KCNG2: variants seen among roughly 807,000 people sequenced by gnomAD.
KCNG2 encodes the protein potassium voltage-gated channel modifier subfamily G member 2.
KCNG2 carries 7 observed loss-of-function variants against 12.3 expected under a neutral mutation model. That is an observed-to-expected ratio of 0.57 (90% CI 0.32 to 1.07). The LOEUF is 1.07. KCNG2 is among the 50% of genes least tolerant of loss of function. The probability of loss-of-function intolerance (pLI) is 0.04; values close to 1 mark genes in which losing one functional copy is unlikely to be tolerated. For synonymous variants in KCNG2, 414 were observed against 351.4 expected (o/e 1.18, Z -1.99); for missense variants, 703 against 726.0 (o/e 0.97, Z 0.36).
intron 3 of KCNG2, among the ~76,000 whole-genome samples, chr18:79,873,494 A>G (rs1376193924): frequency 7.2e-6 from 1 of 139,482 alleles, no homozygotes; most frequent in Non-Finnish European, 1.5e-5. Context: ...CCCTCTGAGC[A>G]CATCCAGCCT....
At chr18:79,867,256 A>G (rs1568263228) in intron 3 of KCNG2, among the ~76,000 whole-genome samples, 1 of 150,456 alleles carries the variant, frequency 6.6e-6, no homozygotes, top group Non-Finnish European at 1.5e-5. Context: ...CCTGTCTTAG[A>G]CTTCCTGCCC....
chr18:79,871,690 G>A (rs1683319999), intron 3 of KCNG2, among the ~76,000 whole-genome samples: 1 of 152,214 alleles, frequency 6.6e-6, no homozygotes, highest in African/African-American at 2.4e-5. Context: ...GTAGAGGGAG[G>A]GGAAGGCGGC....
intron 3 of KCNG2, among the ~76,000 whole-genome samples, chr18:79,888,138 T>A (rs146441182): frequency 6.6e-6 from 1 of 151,356 alleles, no homozygotes; most frequent in African/African-American, 2.4e-5. Context: ...GAGGAGGCCA[T>A]GGGAAGCACC....
At position 79,819,198 on chromosome 18, in the gene KCNG2, G is replaced by A. The variant is rs539662870; in HGVS notation, c.-115+21184G>A. Among the ~76,000 whole-genome samples, 177 of 152,324 alleles carry A rather than the reference G, an allele frequency of 1.2e-3. 1 individual carries two copies. The highest frequency in any genetic ancestry group is 4.0e-3 in the African/African-American group (165 of 41,578). ...CAAGGCCGGCGAGGGCACCCAGGAC[G>A]TGTCAGAGGGAGAAGGCCGGCAGCC... is the stretch of plus-strand genomic sequence containing the variant. On this transcript the variant is annotated intron_variant, in intron 1 of 3. Coordinates refer to ENST00000316249, the MANE Select transcript of KCNG2 (RefSeq NM_012283.2).
intron 1 of KCNG2, among the ~76,000 whole-genome samples, chr18:79,840,279 G>T (rs1236886686): frequency 1.3e-5 from 2 of 152,130 alleles, no homozygotes; most frequent in Non-Finnish European, 2.9e-5. Context: ...CAGCAAGATT[G>T]CAAGACATAA....
chr18:79,880,207 A>G (rs4799100), intron 3 of KCNG2, among the ~76,000 whole-genome samples: 71,305 of 151,564 alleles, frequency 0.47, 17,745 homozygotes, highest in East Asian at 0.79. Flanking sequence ...ATAAATGGCC[A>G]GATCAGCATT....
chr18:79,861,509 C>T (rs182265157), intron 2 of KCNG2, among the ~76,000 whole-genome samples: 1 of 152,196 alleles, frequency 6.6e-6, no homozygotes, highest in African/African-American at 2.4e-5. Flanking sequence ...AAACTCCTGA[C>T]CTCAGAGGAT....
At chr18:79,841,856 C>A (rs140148624) in intron 1 of KCNG2, among the ~76,000 whole-genome samples, 1 of 152,302 alleles carries the variant, frequency 6.6e-6, no homozygotes, top group East Asian at 1.9e-4. Context: ...AGGAAAGACT[C>A]ATTGAAAAAG....
At chr18:79,868,582 G>A (rs1051542492) in intron 3 of KCNG2, among the ~76,000 whole-genome samples, 11 of 152,242 alleles carry the variant, frequency 7.2e-5, no homozygotes, top group Non-Finnish European at 1.3e-4. Context: ...GAGAATTGGC[G>A]TGTTGGTGAC....
intron 1 of KCNG2, among the ~76,000 whole-genome samples, chr18:79,827,404 T>G (rs1254056724): frequency 6.6e-6 from 1 of 152,144 alleles, no homozygotes; most frequent in African/African-American, 2.4e-5. Flanking sequence ...GATGCTATCT[T>G]AGGTAGGAGA....
In KCNG2 at chr18:79,887,112, TGGG is replaced by T. The variant is rs754960552; in HGVS notation, c.625-11925_625-11923del. On this transcript the variant is annotated intron_variant, in intron 3 of 3. Transcript: ENST00000316249. ...ACATAGGGCCATAGGGACAGGGACA[TGGG>T]GGCATGAGAGATGCCTAGGGACACG... Among the ~76,000 whole-genome samples, 37 of 143,276 alleles carry T rather than the reference TGGG, an allele frequency of 2.6e-4. 1 individual carries two copies. The highest frequency in any genetic ancestry group is 4.4e-4 in the South Asian group (2 of 4,574). 94.0% of individuals were successfully genotyped at this position (143,276 alleles called of 152,430 possible).
At chr18:79,873,956 G>A (rs1489058078) in intron 3 of KCNG2, among the ~76,000 whole-genome samples, 1 of 152,222 alleles carries the variant, frequency 6.6e-6, no homozygotes, top group Admixed American at 6.5e-5. Context: ...GACACGTTTC[G>A]GGCCACTTCG....
chr18:79,866,442 TGG>T (rs1200047508), intron 3 of KCNG2, among the ~76,000 whole-genome samples: 9 of 115,854 alleles, frequency 7.8e-5, no homozygotes, highest in Admixed American at 5.1e-4. Flanking sequence ...CTGAGAGGTC[TGG>T]GTGCTGAGAG....
rs1258513851 is a variant in KCNG2, at chr18:79,884,041, C to G, written c.625-14999C>G. 6.7e-6 allele frequency among the ~76,000 whole-genome samples: 1 copy of G among 149,250 alleles called. No homozygotes were observed. The highest frequency in any genetic ancestry group is 1.5e-5 in the Non-Finnish European group (1 of 66,388). On this transcript the variant is annotated intron_variant, in intron 3 of 3. Transcript: ENST00000316249. The surrounding 1 kb of genome is among the most constrained non-coding windows in gnomAD (Gnocchi z 5.5). ...CACGTCCTGACGTTTCTATCCCAACCCCCGCCCTGCCATCTTTTCTTCTCC... is the reference window on the plus strand; with the variant it reads ...CACGTCCTGACGTTTCTATCCCAACGCCCGCCCTGCCATCTTTTCTTCTCC...
At chr18:79,864,500 C>T (rs1344153538) in intron 3 of KCNG2, among the ~76,000 whole-genome samples, 2 of 152,208 alleles carry the variant, frequency 1.3e-5, no homozygotes, top group Non-Finnish European at 2.9e-5. Context: ...TCTTGGCCAA[C>T]CTCCACCCCC....
At chr18:79,870,183 C>T (rs546182501) in intron 3 of KCNG2, among the ~76,000 whole-genome samples, 132 of 152,384 alleles carry the variant, frequency 8.7e-4, no homozygotes, top group African/African-American at 3.1e-3. Context: ...TGCTCCCAGA[C>T]GAAGCCCCCC....
intron 2 of KCNG2, among the ~76,000 whole-genome samples, chr18:79,860,621 G>A (rs1005754813): frequency 1.3e-5 from 2 of 151,698 alleles, no homozygotes; most frequent in African/African-American, 2.4e-5. Flanking sequence ...TTTTTTTACC[G>A]ATCTCATGTC....
chr18:79,828,816 G>T (rs1978288463), intron 1 of KCNG2, among the ~76,000 whole-genome samples: 1 of 118,036 alleles, frequency 8.5e-6, no homozygotes. Flanking sequence ...GTGTCTATGT[G>T]TGCGTGTGTG....
rs1243685814 is a variant in KCNG2, at chr18:79,882,668, C to CA, written c.625-16370dup. Among the ~76,000 whole-genome samples, 5 of 152,276 alleles carry CA rather than the reference C, an allele frequency of 3.3e-5. No individual in the cohort carries two copies. The South Asian group carries it at 1.0e-3, about 31-fold the overall frequency. The stretch of plus-strand genomic sequence containing the variant: ...TGATCTAAAAACCAGCCGAGAGCAG[C>CA]AAGCTCAAAGGAGGGTGCGCGGCCG... On this transcript the variant is annotated intron_variant, in intron 3 of 3. Transcript: ENST00000316249.
Sources: allele counts gnomAD v4.1 joint callset (sites outside exome capture counted in the v4.1 genomes callset), GRCh38; gene constraint gnomAD v4.1.1; non-coding constraint Gnocchi (gnomAD v3.1); transcripts MANE v1.5; gene names NCBI Gene and HGNC (gene_info 2026-07-23, HGNC 2026-07-21).